Variants in ITGAL observed in about 807,000 individuals in gnomAD.
ITGAL encodes integrin subunit alpha L.
In ITGAL, 68 loss-of-function variants were observed where a neutral mutation model predicts 138.4. The observed-to-expected ratio is 0.49, with a 90% CI of 0.40 to 0.60. The LOEUF is 0.60. Ranked by LOEUF, ITGAL falls within the 20% of genes least tolerant of loss-of-function variation. The pLI is 0.00. For synonymous variants in ITGAL, 561 were observed against 584.3 expected (o/e 0.96, Z 0.57); for missense variants, 1,256 against 1,478.6 (o/e 0.85, Z 2.47).
chr16:30,494,745 C>A lies in ITGAL; in HGVS notation c.1398C>A (p.Gly466=), dbSNP rs1198003821. The A allele has an allele frequency of 6.2e-7, 1 of 1,612,424 alleles. No homozygotes were observed. The highest frequency in any genetic ancestry group is 1.1e-5 in the South Asian group (1 of 90,936). Residue 466 remains glycine, a synonymous_variant, in exon 13 of 31, where the codon GGC becomes GGA. Coordinates refer to ENST00000356798, the MANE Select transcript of ITGAL (RefSeq NM_002209.3). This position sits in a 1 kb window ranked among gnomAD's most constrained non-coding sequence, Gnocchi z 4.2. ...CTTATTTCGGTGGGGAGCTGTGTGG[C>A]GTCGACGTGGACCAAGATGGGGAGA... ...IGSYFGGELC[G]VDVDQDGETE...
chr16:30,510,474 G>A lies in ITGAL; in HGVS notation c.2619+3G>A. ...CCATCTTCAAAGCAGGCCACTCGGT[G>A]AGTGCTTCAAGTCTCCAGGGACCAA... is the stretch of plus-strand genomic sequence containing the variant. On this transcript the variant is annotated splice_donor_region_variant and intron_variant, in intron 22 of 30. Transcript: ENST00000356798. 6.4e-7 allele frequency: 1 copy of A among 1,563,186 alleles called. No individual in the cohort carries two copies. The highest frequency in any genetic ancestry group is 8.8e-7 in the Non-Finnish European group (1 of 1,133,490).
intron 4 of ITGAL, among the ~76,000 whole-genome samples, chr16:30,478,056 G>C (rs533111546): frequency 7.3e-5 from 11 of 151,662 alleles, no homozygotes; most frequent in Non-Finnish European, 1.3e-4. Flanking sequence ...GAAAGAAAAG[G>C]CTGGGTGCAG....
chr16:30,478,329 G>C (rs1473337711), intron 4 of ITGAL, among the ~76,000 whole-genome samples: 1 of 142,758 alleles, frequency 7.0e-6, no homozygotes, highest in Non-Finnish European at 1.5e-5. Flanking sequence ...GCGAGACTCC[G>C]TCAAAAAAAA....
At chr16:30,491,874 A>C (rs2050728431) in intron 11 of ITGAL, among the ~76,000 whole-genome samples, 1 of 152,190 alleles carries the variant, frequency 6.6e-6, no homozygotes, top group African/African-American at 2.4e-5. Flanking sequence ...GCTAGGAAGC[A>C]GTAGCACTAG....
intron 25 of ITGAL, among the ~76,000 whole-genome samples, chr16:30,514,175 A>G (rs1193220085): frequency 6.6e-6 from 1 of 152,134 alleles, no homozygotes; most frequent in Non-Finnish European, 1.5e-5. Context: ...CAGTGGTGCA[A>G]TCTCGGCTCA....
chr16:30,515,476 C>T (rs34105328), intron 25 of ITGAL, among the ~76,000 whole-genome samples: 3,088 of 152,284 alleles, frequency 0.02, 50 homozygotes, highest in African/African-American at 0.038. Context: ...TGTGACTTCC[C>T]ACTGCCTCCT....
chr16:30,507,165 A>C (rs2051013708), intron 21 of ITGAL, among the ~76,000 whole-genome samples: 1 of 152,092 alleles, frequency 6.6e-6, no homozygotes. Flanking sequence ...TCTACTAAAA[A>C]AATACAAAAA....
At chr16:30,495,764 G>A (rs561818468) in intron 13 of ITGAL, among the ~76,000 whole-genome samples, 52 of 152,034 alleles carry the variant, frequency 3.4e-4, no homozygotes, top group Non-Finnish European at 5.6e-4. Context: ...TGGGAGGATC[G>A]CTTGAGCCCA....
chr16:30,504,303 G>A, intron 18 of ITGAL, 39 bp downstream of exon 18: 1 of 1,518,486 alleles, frequency 6.6e-7, no homozygotes, highest in Non-Finnish European at 9.1e-7. Context: ...GAGTTTATCA[G>A]AGAAATCCAT....
chr16:30,501,728 A>G (rs932051625), intron 17 of ITGAL, among the ~76,000 whole-genome samples: 4 of 151,200 alleles, frequency 2.6e-5, no homozygotes, highest in African/African-American at 7.3e-5. Flanking sequence ...TGGTACATGG[A>G]AAAAAAAAGT....
rs2050687290 is a variant in ITGAL, at chr16:30,489,064, C to G, written c.1007-18C>G. 5 of 1,610,402 alleles carry G rather than the reference C, an allele frequency of 3.1e-6. No homozygotes were observed. The East Asian group carries it at 8.9e-5, about 29-fold the overall frequency. On this transcript the variant is annotated intron_variant, in intron 9 of 30. Coordinates refer to ENST00000356798, the MANE Select transcript of ITGAL (RefSeq NM_002209.3). ...TTACTGCTGTTGGGTCTCACCTGTT[C>G]TCTGCTTTGTTCCCCAGGCACAAGC... is the stretch of plus-strand genomic sequence containing the variant.
At chr16:30,518,865 T>C in intron 29 of ITGAL, 146 bp downstream of exon 29, 1 of 658,850 alleles carries the variant, frequency 1.5e-6, no homozygotes, top group Admixed American at 2.6e-5. Context: ...GAGAAGCTTC[T>C]TCTCCCCTTG....
At chr16:30,496,808 ATTTTT>A (rs11432747) in intron 15 of ITGAL, among the ~76,000 whole-genome samples, 1 of 137,850 alleles carries the variant, frequency 7.3e-6, no homozygotes, top group Admixed American at 7.4e-5. Context: ...CACCTGGCTA[ATTTTT>A]TTTTTTTTTT....
chr16:30,476,944 T>C (rs556328167), intron 4 of ITGAL, among the ~76,000 whole-genome samples: 12 of 152,274 alleles, frequency 7.9e-5, no homozygotes, highest in Middle Eastern at 3.4e-3. Flanking sequence ...ACTTTATTTC[T>C]TTTAAACCCT....
chr16:30,496,890 T>C (rs2050808707), intron 15 of ITGAL, among the ~76,000 whole-genome samples: 2 of 151,772 alleles, frequency 1.3e-5, no homozygotes, highest in South Asian at 4.2e-4. Flanking sequence ...AACTATGCTT[T>C]CTCCTCAGCC....
rs767062199 is a variant in ITGAL, at chr16:30,517,851, C to T, written c.3088C>T (p.Leu1030Phe). Residue 1030 changes from leucine (L) to phenylalanine (F), a missense_variant, in exon 28 of 31, where the codon CTC becomes TTC. Leu to Phe is a conservative substitution (Grantham distance 22, BLOSUM62 0). Transcript: ENST00000356798. The stretch of plus-strand genomic sequence containing the variant: ...CCCTGTTGTCTTCAGGCAGGAGATC[C>T]TCGTCCAAGTGATCGGGACTCTGGA... ...RCPVVFRQEI[L>F]VQVIGTLELV... 1.1e-5 allele frequency: 18 copies of T among 1,614,042 alleles called. No individual in the cohort carries two copies. The highest frequency in any genetic ancestry group is 1.5e-5 in the Non-Finnish European group (18 of 1,180,034).
chr16:30,513,547 C>T (rs763228931), intron 24 of ITGAL, among the ~76,000 whole-genome samples: 7 of 152,300 alleles, frequency 4.6e-5, no homozygotes, highest in South Asian at 2.1e-4. Context: ...CCACTGGACA[C>T]ACTTCCCTGG....
Position 30,487,167 on chromosome 16 carries a change from G to A in ITGAL, c.1007-1915G>A, listed in dbSNP as rs911903824. 2.7e-5 allele frequency among the ~76,000 whole-genome samples: 4 copies of A among 149,394 alleles called. No homozygotes were observed. In the East Asian group the frequency reaches 7.9e-4, roughly 29 times the overall value. On this transcript the variant is annotated intron_variant, in intron 9 of 30. Coordinates refer to ENST00000356798, the MANE Select transcript of ITGAL (RefSeq NM_002209.3). The stretch of plus-strand genomic sequence containing the variant: ...CAAAAAAAAAAAAAAAAAAAAAAGA[G>A]TTTCTACTATATTGCCTAAGCAGGT...
intron 28 of ITGAL, among the ~76,000 whole-genome samples, chr16:30,518,402 T>C (rs2051201839): frequency 6.7e-6 from 1 of 148,568 alleles, no homozygotes; most frequent in South Asian, 2.1e-4. Flanking sequence ...TGAGCCAAGA[T>C]GGCACCACTG....
Sources: allele counts gnomAD v4.1 joint callset (sites outside exome capture counted in the v4.1 genomes callset), GRCh38; gene constraint gnomAD v4.1.1; non-coding constraint Gnocchi (gnomAD v3.1); transcripts MANE v1.5; gene names NCBI Gene and HGNC (gene_info 2026-07-23, HGNC 2026-07-21).